RAB35: variants seen among roughly 807,000 people sequenced by gnomAD.
RAB35 encodes the protein ras-related protein Rab-35.
RAB35 carries 4 observed loss-of-function variants against 28.9 expected under a neutral mutation model. That is an observed-to-expected ratio of 0.14 (90% CI 0.07 to 0.32). The LOEUF (loss-of-function observed/expected upper bound fraction) is 0.32, where lower values mean the gene tolerates loss of function less well. RAB35 is among the 10% of genes least tolerant of loss of function. The pLI, the probability that RAB35 is intolerant of heterozygous loss-of-function variation, is 1.00. For synonymous variants in RAB35, 99 were observed against 105.1 expected (o/e 0.94, Z 0.35); for missense variants, 128 against 274.0 (o/e 0.47, Z 3.76).
At chr12:120,105,353 C>A (rs937911550) in intron 2 of RAB35, among the ~76,000 whole-genome samples, 2 of 152,188 alleles carry the variant, frequency 1.3e-5, no homozygotes, top group Admixed American at 6.5e-5. Flanking sequence ...CACAGTTAGG[C>A]TCCCCAGAAA....
rs902671393 is a variant in RAB35, at chr12:120,116,721, C to T, written c.-71G>A. On this transcript the variant is annotated 5_prime_UTR_variant, in exon 1 of 6. Coordinates refer to ENST00000229340, the MANE Select transcript of RAB35 (RefSeq NM_006861.7). ...CTCGCGATCCGCAGCTCCCTTCGGG[C>T]TGCTCCGGCAGCGGCGGATCCACTT... 5.0e-6 allele frequency: 6 copies of T among 1,211,718 alleles called. No individual in the cohort carries two copies. The highest frequency in any genetic ancestry group is 6.2e-6 in the Non-Finnish European group (6 of 974,558). 75.1% of individuals were successfully genotyped at this position (1,211,718 alleles called of 1,614,324 possible). A position where few individuals can be genotyped will look rare whatever the true frequency, so the allele number is the denominator to read the frequency against.
rs961275471 is a variant in RAB35 at position 120,103,495 on chromosome 12, C to T, written c.227+331G>A. Among the ~76,000 whole-genome samples the T allele has an allele frequency of 2.6e-5, 4 of 152,204 alleles. No individual in the cohort carries two copies. The highest frequency in any genetic ancestry group is 7.2e-5 in the African/African-American group (3 of 41,444). On this transcript the variant is annotated intron_variant, in intron 3 of 5. Coordinates refer to ENST00000229340, the MANE Select transcript of RAB35 (RefSeq NM_006861.7). The surrounding 1 kb of genome is among the most constrained non-coding windows in gnomAD (Gnocchi z 6.1). ...GGGTGGGCAAGGCACTTCGCAACCCCCTAGCGAGGCAAATGCTATTCTGCT... is the reference window on the plus strand; with the variant it reads ...GGGTGGGCAAGGCACTTCGCAACCCTCTAGCGAGGCAAATGCTATTCTGCT...
rs1291287508 is a variant in RAB35 at position 120,108,823 on chromosome 12, G to A, written c.53-356C>T. The A allele has an allele frequency of 8.2e-5, 34 of 416,642 alleles. 2 individuals carry two copies. Among genetic ancestry groups the A allele is most frequent in the South Asian group, 4.4e-4 (23 of 52,622 alleles). The allele number at this position is 416,642 out of a possible 1,614,324, so 25.8% of individuals were successfully genotyped here. On this transcript the variant is annotated intron_variant, in intron 1 of 5. Coordinates refer to ENST00000229340, the MANE Select transcript of RAB35 (RefSeq NM_006861.7). ...ACCACACGAAACGGCCCCCAAGTGC[G>A]TCTACAACATGGTCCCTAGAAAAGT...
intron 1 of RAB35, among the ~76,000 whole-genome samples, chr12:120,109,975 G>A (rs1876048554): frequency 6.6e-6 from 1 of 152,160 alleles, no homozygotes; most frequent in Admixed American, 6.5e-5. Flanking sequence ...ATGCCTCTTT[G>A]ATTATAATTC....
intron 2 of RAB35, among the ~76,000 whole-genome samples, chr12:120,107,264 G>C (rs1332479968): frequency 6.6e-6 from 1 of 152,132 alleles, no homozygotes; most frequent in East Asian, 1.9e-4. Flanking sequence ...TGGGATTACA[G>C]GTGTGAGCCA....
chr12:120,116,559 C>T, intron 1 of RAB35, 40 bp downstream of exon 1: 1 of 1,078,396 alleles, frequency 9.3e-7, no homozygotes, highest in Admixed American at 5.4e-5. Context: ...GGGCCGCGCC[C>T]GGCAGGGCCC....
At chr12:120,104,697 G>A (rs2139054098) in intron 2 of RAB35, among the ~76,000 whole-genome samples, 1 of 152,240 alleles carries the variant, frequency 6.6e-6, no homozygotes, top group East Asian at 1.9e-4. Context: ...AGGCTGGAGT[G>A]AAGTGGGATT....
At chr12:120,102,682 C>T (rs1237067276) in intron 3 of RAB35, among the ~76,000 whole-genome samples, 1 of 152,210 alleles carries the variant, frequency 6.6e-6, no homozygotes. Flanking sequence ...GGGGGCGCTG[C>T]ACCCCACACT....
intron 1 of RAB35, among the ~76,000 whole-genome samples, chr12:120,111,930 C>T (rs998906018): frequency 3.3e-5 from 5 of 151,966 alleles, no homozygotes; most frequent in South Asian, 2.1e-4. Flanking sequence ...CAGCCACCCC[C>T]GAGGCTGCCC....
chr12:120,098,233 G>C (rs960480306), intron 5 of RAB35, among the ~76,000 whole-genome samples: 2 of 152,246 alleles, frequency 1.3e-5, no homozygotes, highest in Non-Finnish European at 2.9e-5. Context: ...GCTGTTCACG[G>C]ACATAGGTGA....
chr12:120,113,794 G>A (rs565733388), intron 1 of RAB35, among the ~76,000 whole-genome samples: 1 of 151,256 alleles, frequency 6.6e-6, no homozygotes, highest in East Asian at 2.0e-4. Flanking sequence ...CTCCAGCCTG[G>A]GCGACAGAGC....
chr12:120,096,356 G>T lies in RAB35; in HGVS notation c.*889C>A. Reference sequence around the variant, plus strand: ...GCTGCTGTGCCAATCAAACCTCAGGGAAAGAAAATAATTGTGAGGAATTTA... The same window carrying T: ...GCTGCTGTGCCAATCAAACCTCAGGTAAAGAAAATAATTGTGAGGAATTTA... On this transcript the variant is annotated 3_prime_UTR_variant, in exon 6 of 6. Coordinates refer to ENST00000229340, the MANE Select transcript of RAB35 (RefSeq NM_006861.7). 3 of 1,184,386 alleles carry T rather than the reference G, an allele frequency of 2.5e-6. No individual in the cohort carries two copies. The highest frequency in any genetic ancestry group is 1.5e-5 in the South Asian group (1 of 68,930). 73.4% of individuals were successfully genotyped at this position (1,184,386 alleles called of 1,614,324 possible).
At chr12:120,097,456 C>T (rs113565625) in intron 5 of RAB35, 83 bp from the exon 6 acceptor site, 29 of 1,116,774 alleles carry the variant, frequency 2.6e-5, no homozygotes, top group South Asian at 1.6e-4. Context: ...CCCCGCCTTC[C>T]GGGGCCCAGC....
At chr12:120,101,742 A>ACAGCAGCAGGGGCC (rs1555296397) in intron 3 of RAB35, among the ~76,000 whole-genome samples, 2 of 152,036 alleles carry the variant, frequency 1.3e-5, no homozygotes, top group African/African-American at 4.8e-5. Context: ...GACACGTGGG[A>ACAGCAGCAGGGGCC]CGGCAGCAGG....
At chr12:120,104,040 C>G (rs1010072666) in intron 2 of RAB35, 91 bp from the exon 3 acceptor site, 23 of 1,517,706 alleles carry the variant, frequency 1.5e-5, no homozygotes, top group Admixed American at 1.9e-5. Context: ...CAGGCTCCCC[C>G]ACCCTCCCGA....
chr12:120,110,217 G>A (rs890747050), intron 1 of RAB35, among the ~76,000 whole-genome samples: 24 of 149,122 alleles, frequency 1.6e-4, no homozygotes, highest in Non-Finnish European at 2.5e-4. Context: ...AAAATGCCAC[G>A]AAAGCTATGA....
At chr12:120,111,983 CTT>C (rs1161634088) in intron 1 of RAB35, among the ~76,000 whole-genome samples, 70 of 140,882 alleles carry the variant, frequency 5.0e-4, no homozygotes, top group Admixed American at 5.7e-4. Flanking sequence ...GCCTGTCATT[CTT>C]TTTTTTTTTT....
intron 2 of RAB35, among the ~76,000 whole-genome samples, chr12:120,104,612 T>C (rs551644919): frequency 1.1e-3 from 173 of 152,306 alleles, no homozygotes; most frequent in African/African-American, 4.1e-3. Context: ...GCATTTTAAA[T>C]AGCTCTCTTG....
chr12:120,101,154 A>G (rs944586778), intron 3 of RAB35, among the ~76,000 whole-genome samples: 1 of 152,220 alleles, frequency 6.6e-6, no homozygotes, highest in Admixed American at 6.5e-5. Context: ...GACGTTTCCC[A>G]TGGCCACCAG....
Sources: gnomAD v4.1 joint callset for allele counts (sites outside exome capture counted in the v4.1 genomes callset) on GRCh38, gnomAD v4.1.1 for gene constraint, Gnocchi (gnomAD v3.1) non-coding constraint, MANE v1.5 for transcripts, NCBI Gene and HGNC (gene_info 2026-07-23, HGNC 2026-07-21) for gene names.